SP100: variants seen among roughly 807,000 people sequenced by gnomAD.
SP100 encodes the protein SP100 nuclear body protein, also known as nuclear autoantigen Sp-100.
In SP100, 84 loss-of-function variants were observed where a neutral mutation model predicts 130.0. That is an observed-to-expected ratio of 0.65 (90% CI 0.54 to 0.77). SP100 has a LOEUF of 0.77. Among genes scored for constraint, SP100 ranks in the 30% least tolerant of loss-of-function variants. The pLI is 0.00. For missense variants in SP100, 978 were observed against 1,052.2 expected, an observed-to-expected ratio of 0.93 and a Z score of 0.97; for synonymous variants, 331 against 351.7, an observed-to-expected ratio of 0.94 and a Z score of 0.66.
chr2:230,527,206 A>T (rs188731672), intron 24 of SP100, among the ~76,000 whole-genome samples: 1 of 152,374 alleles, frequency 6.6e-6, no homozygotes, highest in Admixed American at 6.5e-5. Context: ...AGGGAAGCCC[A>T]TCAGACTAAC....
chr2:230,440,673 T>G (rs2063440880), intron 2 of SP100: 1 of 990,072 alleles, frequency 1.0e-6, no homozygotes, highest in South Asian at 3.9e-5. Flanking sequence ...CTAAAGTTTT[T>G]TCTTGAAGAA....
chr2:230,535,853 G>A (rs536734523), intron 24 of SP100, among the ~76,000 whole-genome samples: 20 of 135,286 alleles, frequency 1.5e-4, no homozygotes, highest in Admixed American at 3.4e-4. Flanking sequence ...GCTGCAGGGA[G>A]CCAAGATCAT....
intron 2 of SP100, among the ~76,000 whole-genome samples, chr2:230,419,498 G>A (rs918378062): frequency 5.9e-5 from 9 of 152,176 alleles, no homozygotes; most frequent in Non-Finnish European, 1.3e-4. Flanking sequence ...GCACAAGAAG[G>A]TTGATGCTGG....
chr2:230,471,220 G>A (rs557966955), intron 15 of SP100, among the ~76,000 whole-genome samples: 1 of 152,280 alleles, frequency 6.6e-6, no homozygotes, highest in East Asian at 1.9e-4. Context: ...AAGAGACAGA[G>A]ACAAAAATGT....
intron 24 of SP100, chr2:230,516,198 A>C: frequency 1.1e-5 from 4 of 349,052 alleles, no homozygotes; most frequent in South Asian, 1.2e-4. Flanking sequence ...GTCATACTTG[A>C]AAATATGACA....
chr2:230,493,402 A>G (rs2066493360), intron 17 of SP100, among the ~76,000 whole-genome samples: 1 of 151,998 alleles, frequency 6.6e-6, no homozygotes, highest in African/African-American at 2.4e-5. Flanking sequence ...TTTTTAGGAG[A>G]GATGGGGTTT....
At position 230,462,415 on chromosome 2, in the gene SP100, G is replaced by T. The variant is rs780211973; in HGVS notation, c.974-20G>T. The T allele has an allele frequency of 2.3e-5, 37 of 1,604,468 alleles. No individual in the cohort carries two copies. Among genetic ancestry groups the T allele is most frequent in the Non-Finnish European group, 3.1e-5 (36 of 1,171,368 alleles). On this transcript the variant is annotated intron_variant, in intron 9 of 28. Coordinates refer to ENST00000340126, the MANE Select transcript of SP100 (RefSeq NM_001080391.2). Reference sequence around the variant, plus strand: ...TGGTCACACCCTGAGACTCTTAATGGTTTTTGCTCCTTTGTGCAGTCATCA... The same window carrying T: ...TGGTCACACCCTGAGACTCTTAATGTTTTTTGCTCCTTTGTGCAGTCATCA...
chr2:230,440,899 A>G (rs542635535), intron 2 of SP100, among the ~76,000 whole-genome samples: 2 of 152,270 alleles, frequency 1.3e-5, no homozygotes, highest in South Asian at 4.1e-4. Context: ...GAATATTTTC[A>G]TGACCTTGGA....
intron 24 of SP100, 46 bp from the exon 25 acceptor site, chr2:230,539,221 C>T: frequency 2.5e-6 from 3 of 1,215,492 alleles, no homozygotes; most frequent in Non-Finnish European, 3.7e-6. Context: ...ATTCTAGGGT[C>T]CAAGGGTCTC....
chr2:230,460,155 C>A (rs539965295), intron 8 of SP100, among the ~76,000 whole-genome samples: 1 of 152,016 alleles, frequency 6.6e-6, no homozygotes, highest in Admixed American at 6.6e-5. Flanking sequence ...CAGCAGAAAC[C>A]AACAGAAATG....
intron 2 of SP100, among the ~76,000 whole-genome samples, chr2:230,426,040 A>G (rs956080476): frequency 6.6e-6 from 1 of 152,060 alleles, no homozygotes; most frequent in African/African-American, 2.4e-5. Flanking sequence ...TTGATGTATA[A>G]TTGTTCATAG....
chr2:230,468,817 C>CAAAAAAA (rs10617635), intron 13 of SP100: 12 of 149,772 alleles, frequency 8.0e-5, no homozygotes, highest in South Asian at 1.3e-4. Context: ...GACCCTGTCT[C>CAAAAAAA]AAAAAAAAAA....
intron 24 of SP100, 75 bp from the exon 25 acceptor site, chr2:230,539,192 A>G: frequency 1.2e-6 from 1 of 845,814 alleles, no homozygotes; most frequent in Non-Finnish European, 2.0e-6. Context: ...TGTGCCCTTG[A>G]TACATAAAAA....
At position 230,457,096 on chromosome 2, in the gene SP100, T is replaced by C. The variant is rs1345555435; in HGVS notation, c.821-4166T>C. On this transcript the variant is annotated intron_variant, in intron 8 of 28. Transcript: ENST00000340126. ...TTCACCCTATTTAAAGATTCTAAGATGGCCATCTGGCATGGTACAAGGGCA... is the reference window on the plus strand; with the variant it reads ...TTCACCCTATTTAAAGATTCTAAGACGGCCATCTGGCATGGTACAAGGGCA... Among the ~76,000 whole-genome samples, 3 of 152,246 alleles carry C rather than the reference T, an allele frequency of 2.0e-5. No homozygotes were observed. The East Asian group carries it at 5.8e-4, about 29-fold the overall frequency.
chr2:230,424,182 G>T (rs1210250238), intron 2 of SP100, among the ~76,000 whole-genome samples: 1 of 152,124 alleles, frequency 6.6e-6, no homozygotes, highest in Non-Finnish European at 1.5e-5. Flanking sequence ...ACAGGTTCTT[G>T]TCCTTGCCCC....
chr2:230,466,302 GCC>G lies in SP100; in HGVS notation c.1145_1146del (p.Pro382HisfsTer14). The G allele has an allele frequency of 6.4e-7, 1 of 1,571,928 alleles. No individual in the cohort carries two copies. Among genetic ancestry groups the G allele is most frequent in the Non-Finnish European group, 8.7e-7 (1 of 1,143,638 alleles). On this transcript the variant is annotated frameshift_variant and splice_region_variant, in exon 12 of 29. Coordinates refer to ENST00000340126, the MANE Select transcript of SP100 (RefSeq NM_001080391.2). LOFTEE classifies it high-confidence loss of function. ...GGGTTTCTCCCTTTTACTTTACAGAGCCCATGGATTTCAGAAAATTATCTACA... is the reference window on the plus strand; with the variant it reads ...GGGTTTCTCCCTTTTACTTTACAGAGCATGGATTTCAGAAAATTATCTACA... ...TCSRPQIVPE[P>X]MDFRKLSTFR...
intron 19 of SP100, among the ~76,000 whole-genome samples, chr2:230,502,258 C>T (rs148231918): frequency 2.5e-4 from 38 of 152,304 alleles, no homozygotes; most frequent in African/African-American, 8.4e-4. Flanking sequence ...TTAATTTCTA[C>T]AAGTTCCTCT....
intron 2 of SP100, among the ~76,000 whole-genome samples, chr2:230,422,019 C>T (rs868420326): frequency 7.2e-5 from 11 of 152,172 alleles, no homozygotes; most frequent in African/African-American, 2.4e-4. Context: ...TAGAGACTCC[C>T]TGGTTTTTTT....
chr2:230,515,124 T>G (rs544609282), intron 24 of SP100: 2 of 1,612,588 alleles, frequency 1.2e-6, no homozygotes, highest in Non-Finnish European at 1.7e-6. Flanking sequence ...ACCCAGATGC[T>G]TCAGTCAAGT....
Sources: allele counts gnomAD v4.1 joint callset (sites outside exome capture counted in the v4.1 genomes callset), GRCh38; gene constraint gnomAD v4.1.1; transcripts MANE v1.5; gene names NCBI Gene and HGNC (gene_info 2026-07-23, HGNC 2026-07-21).